The following CFAP95 variants were observed in gnomAD, a reference collection of about 807,000 sequenced individuals.
CFAP95 encodes cilia- and flagella-associated protein 95.
chr9:69,848,001 T>A, the CFAP95 span, among the ~76,000 whole-genome samples: 2 of 152,170 alleles, frequency 1.3e-5, no homozygotes, highest in Non-Finnish European at 2.9e-5. Context: ...GTTAATAGGC[T>A]CCCACTCACA....
chr9:69,880,755 G>T, the CFAP95 span, among the ~76,000 whole-genome samples: 1 of 152,164 alleles, frequency 6.6e-6, no homozygotes, highest in Non-Finnish European at 1.5e-5. Context: ...CATAGTGGTT[G>T]TACTAATTTA....
the CFAP95 span, among the ~76,000 whole-genome samples, chr9:69,856,976 G>C: frequency 1.2e-4 from 16 of 139,116 alleles, no homozygotes; most frequent in East Asian, 3.6e-3. Flanking sequence ...TTGAACCCCA[G>C]CTCTACAATT....
chr9:69,864,747 T>G, the CFAP95 span, among the ~76,000 whole-genome samples: 91,814 of 151,976 alleles, frequency 0.6, 28,075 homozygotes, highest in East Asian at 0.82. Context: ...CATTAGCATC[T>G]ATAAAACCTT....
chr9:69,901,398 A>T, the CFAP95 span, among the ~76,000 whole-genome samples: 18 of 152,072 alleles, frequency 1.2e-4, no homozygotes, highest in Admixed American at 2.6e-4. Flanking sequence ...CGGCCTCCCA[A>T]AGTGCTGGGA....
chr9:69,886,950 G>T, the CFAP95 span: 2 of 1,379,056 alleles, frequency 1.5e-6, no homozygotes, highest in Non-Finnish European at 2.1e-6. Flanking sequence ...ATGATTATTT[G>T]CACCTAGTAT....
At chr9:69,845,181 C>G in the CFAP95 span, among the ~76,000 whole-genome samples, 302 of 152,252 alleles carry the variant, frequency 2.0e-3, 1 homozygote, top group African/African-American at 6.8e-3. Flanking sequence ...AATCCAGTTA[C>G]AAGAAAAATA....
the CFAP95 span, chr9:69,858,030 G>A: frequency 1.3e-6 from 2 of 1,570,026 alleles, no homozygotes; most frequent in Non-Finnish European, 1.8e-6. Context: ...TGATTCAGAA[G>A]GTTTGTTTGC....
chr9:69,861,747 A>C, the CFAP95 span, among the ~76,000 whole-genome samples: 24 of 150,858 alleles, frequency 1.6e-4, no homozygotes, highest in Non-Finnish European at 2.7e-4. Context: ...AAAAAAAAAA[A>C]AAAAAACACA....
the CFAP95 span, among the ~76,000 whole-genome samples, chr9:69,881,560 A>C: frequency 6.6e-6 from 1 of 152,166 alleles, no homozygotes; most frequent in Non-Finnish European, 1.5e-5. Context: ...TGTTTTGGTT[A>C]CTATAGCTTT....
chr9:69,839,362 C>A, the CFAP95 span, among the ~76,000 whole-genome samples: 1 of 150,190 alleles, frequency 6.7e-6, no homozygotes, highest in African/African-American at 2.5e-5. Flanking sequence ...TCCATCTGGT[C>A]CTGGACTCTT....
the CFAP95 span, among the ~76,000 whole-genome samples, chr9:69,821,580 AGGGCTGCCACTTCCT>A: frequency 6.6e-6 from 1 of 152,194 alleles, no homozygotes; most frequent in South Asian, 2.1e-4. Context: ...ACCAGCCTCC[AGGGCTGCCACTTCCT>A]GGGGGTAGGG....
At chr9:69,852,841 A>G in the CFAP95 span, among the ~76,000 whole-genome samples, 1 of 152,072 alleles carries the variant, frequency 6.6e-6, no homozygotes, top group Non-Finnish European at 1.5e-5. Flanking sequence ...GTCTCATGAG[A>G]TCTAATGGCT....
At chr9:69,878,332 G>C in the CFAP95 span, among the ~76,000 whole-genome samples, 96,070 of 151,998 alleles carry the variant, frequency 0.63, 30,667 homozygotes, top group East Asian at 0.82. Context: ...TCTTAGACTT[G>C]TTCTTACGAT....
chr9:69,852,168 T>A, the CFAP95 span, among the ~76,000 whole-genome samples: 147 of 151,822 alleles, frequency 9.7e-4, no homozygotes, highest in African/African-American at 3.2e-3. Context: ...TGTATATATT[T>A]TTTTTTTTTT....
At chr9:69,898,183 C>G in the CFAP95 span, among the ~76,000 whole-genome samples, 1 of 152,196 alleles carries the variant, frequency 6.6e-6, no homozygotes, top group African/African-American at 2.4e-5. Flanking sequence ...AGATGCTACT[C>G]TGGGTTAGGC....
the CFAP95 span, among the ~76,000 whole-genome samples, chr9:69,823,014 A>T: frequency 6.6e-6 from 1 of 152,220 alleles, no homozygotes; most frequent in Non-Finnish European, 1.5e-5. Flanking sequence ...GGGTAGCTGT[A>T]TGAGTACATT....
the CFAP95 span, among the ~76,000 whole-genome samples, chr9:69,895,369 C>CTCTCTCTCTGTGTGTG: frequency 4.6e-5 from 5 of 107,848 alleles, no homozygotes; most frequent in African/African-American, 1.9e-4. Context: ...CTCTCTCTCT[C>CTCTCTCTCTGTGTGTG]TGTGTGTGTG....
chr9:69,848,450 A>G, the CFAP95 span, among the ~76,000 whole-genome samples: 2 of 152,294 alleles, frequency 1.3e-5, no homozygotes, highest in East Asian at 3.9e-4. Flanking sequence ...CATGCCATTC[A>G]ATGTTCCCAG....
the CFAP95 span, among the ~76,000 whole-genome samples, chr9:69,889,432 C>T: frequency 2.0e-5 from 3 of 152,190 alleles, no homozygotes; most frequent in African/African-American, 7.2e-5. Context: ...ATATTTTTCA[C>T]ATTTAGCATT....
Sources: allele counts gnomAD v4.1 joint callset (sites outside exome capture counted in the v4.1 genomes callset), GRCh38; gene constraint gnomAD v4.1.1; transcripts MANE v1.5; gene names NCBI Gene and HGNC (gene_info 2026-07-23, HGNC 2026-07-21).